Variants in SLC44A1 observed in about 807,000 individuals in gnomAD.
SLC44A1 encodes solute carrier family 44 member 1, also known as choline transporter-like protein 1.
A neutral mutation model predicts 79.3 loss-of-function variants in SLC44A1; 26 were observed. That is an observed-to-expected ratio of 0.33 (90% confidence interval 0.24 to 0.46). The LOEUF (loss-of-function observed/expected upper bound fraction) is 0.46, where lower values mean the gene tolerates loss of function less well. Among genes scored for constraint, SLC44A1 ranks in the 20% least tolerant of loss-of-function variants. SLC44A1 has a pLI of 1.00. For synonymous variants in SLC44A1, 263 were observed against 286.2 expected, an observed-to-expected ratio of 0.92 and a Z score of 0.82; for missense variants, 688 against 798.1, an observed-to-expected ratio of 0.86 and a Z score of 1.66.
intron 12 of SLC44A1, among the ~76,000 whole-genome samples, chr9:105,369,912 G>A (rs1251814084): frequency 6.6e-6 from 1 of 152,206 alleles, no homozygotes; most frequent in African/African-American, 2.4e-5. Context: ...GTACAACCAG[G>A]GATTGCGTAG....
At chr9:105,355,068 A>T (rs1297182870) in intron 5 of SLC44A1, among the ~76,000 whole-genome samples, 1 of 152,258 alleles carries the variant, frequency 6.6e-6, no homozygotes, top group East Asian at 1.9e-4. Context: ...ATTTAAAAAA[A>T]GTTGTAAGAA....
rs1215830738 is a variant in SLC44A1, at chr9:105,394,378, T to G, written c.*5322T>G. 6.1e-6 allele frequency: 6 copies of G among 984,884 alleles called. No individual in the cohort carries two copies. The highest frequency in any genetic ancestry group is 6.2e-5 in the Admixed American group (1 of 16,194). 61.0% of individuals were successfully genotyped at this position (984,884 alleles called of 1,614,324 possible). A position where few individuals can be genotyped will look rare whatever the true frequency, so the allele number is the denominator to read the frequency against. On this transcript the variant is annotated 3_prime_UTR_variant, in exon 16 of 16. Coordinates refer to ENST00000374720, the MANE Select transcript of SLC44A1 (RefSeq NM_080546.5). ...CAAGATGATCAACACTGAATCTTCA[T>G]GACAGTAAGATTTTCTTTCCTTGGA...
chr9:105,391,624 AT>A lies in SLC44A1; in HGVS notation c.*2571del. 3 of 985,354 alleles carry A rather than the reference AT, an allele frequency of 3.0e-6. No homozygotes were observed. The highest frequency in any genetic ancestry group is 3.6e-6 in the Non-Finnish European group (3 of 829,896). 61.0% of individuals were successfully genotyped at this position (985,354 alleles called of 1,614,324 possible). A position where few individuals can be genotyped will look rare whatever the true frequency, so the allele number is the denominator to read the frequency against. Reference sequence around the variant, plus strand: ...AGCCTCACAGAGGATTTTAAGCAATATTTAAATGTGTTGAGGTTATGTTTGG... The same window carrying A: ...AGCCTCACAGAGGATTTTAAGCAATATTAAATGTGTTGAGGTTATGTTTGG... On this transcript the variant is annotated 3_prime_UTR_variant, in exon 16 of 16. Transcript: ENST00000374720.
chr9:105,379,509 G>A (rs533707872), intron 13 of SLC44A1, among the ~76,000 whole-genome samples: 3 of 152,146 alleles, frequency 2.0e-5, no homozygotes, highest in Admixed American at 6.5e-5. Flanking sequence ...ACGTGGAACC[G>A]TTCTACTATT....
Position 105,397,205 on chromosome 9 carries a change from G to A in SLC44A1, c.*8149G>A, listed in dbSNP as rs1201181854. 4.1e-6 allele frequency: 4 copies of A among 985,164 alleles called. No individual in the cohort carries two copies. The highest frequency in any genetic ancestry group is 3.5e-5 in the African/African-American group (2 of 57,198). The allele number at this position is 985,164 out of a possible 1,614,324, so 61.0% of individuals were successfully genotyped here. A position where few individuals can be genotyped will look rare whatever the true frequency, so the allele number is the denominator to read the frequency against. ...AAATGTTTTTCTTGTGCAGAAATAC[G>A]AACTAGAAAGAAAAGTGCTGATCTA... On this transcript the variant is annotated 3_prime_UTR_variant, in exon 16 of 16. Coordinates refer to ENST00000374720, the MANE Select transcript of SLC44A1 (RefSeq NM_080546.5).
chr9:105,252,511 C>T (rs1370701571), intron 1 of SLC44A1, among the ~76,000 whole-genome samples: 1 of 152,132 alleles, frequency 6.6e-6, no homozygotes, highest in African/African-American at 2.4e-5. Flanking sequence ...TCTTAAGCAG[C>T]TTGTCTGTTG....
chr9:105,421,493 G>A (rs1346221289), intron 15 of SLC44A1, among the ~76,000 whole-genome samples: 1 of 152,002 alleles, frequency 6.6e-6, no homozygotes, highest in Non-Finnish European at 1.5e-5. Context: ...CTGGATTACA[G>A]GAGTTTATAT....
In SLC44A1 at chr9:105,289,737, C is replaced by T. The variant is rs573732131; in HGVS notation, c.37-9483C>T. Among the ~76,000 whole-genome samples the T allele has an allele frequency of 2.4e-3, 362 of 151,896 alleles. 1 individual carries two copies. The highest frequency in any genetic ancestry group is 8.2e-3 in the African/African-American group (339 of 41,426). ...TTACCAAATTCTGCCCACCTATTTG[C>T]TATATTATGATCAGTGCAATCTTTA... On this transcript the variant is annotated intron_variant, in intron 1 of 15. Coordinates refer to ENST00000374720, the MANE Select transcript of SLC44A1 (RefSeq NM_080546.5).
In SLC44A1 at chr9:105,364,704, A is replaced by G; in HGVS notation, c.1237A>G (p.Thr413Ala). 6.2e-7 allele frequency: 1 copy of G among 1,613,294 alleles called. No individual in the cohort carries two copies. The highest frequency in any genetic ancestry group is 1.1e-5 in the South Asian group (1 of 90,866). The change falls in exon 10 of 16, where the codon ACA becomes GCA. Residue 413 changes from threonine to alanine, a missense_variant. Physicochemically the swap from Thr to Ala is moderately conservative, Grantham distance 58. Transcript: ENST00000374720. ...QQMTVAGAVV[T>A]YYFTRDKRNL... is the part of the protein sequence containing the mutation. The stretch of plus-strand genomic sequence containing the variant: ...GATGACAGTGGCAGGAGCTGTGGTA[A>G]CATACTATTTTACTAGGTAAGAATA...
intron 4 of SLC44A1, among the ~76,000 whole-genome samples, chr9:105,336,299 CT>C (rs1162748789): frequency 6.6e-6 from 1 of 152,020 alleles, no homozygotes; most frequent in African/African-American, 2.4e-5. Context: ...TTGTGTTCTG[CT>C]TTTTAAATTT....
intron 5 of SLC44A1, among the ~76,000 whole-genome samples, chr9:105,354,605 G>A (rs1454317506): frequency 2.0e-5 from 3 of 152,036 alleles, no homozygotes; most frequent in African/African-American, 7.2e-5. Context: ...GATGCAAGAG[G>A]CAATTTTAAA....
chr9:105,291,403 G>A (rs1054647102), intron 1 of SLC44A1, among the ~76,000 whole-genome samples: 4 of 152,138 alleles, frequency 2.6e-5, no homozygotes, highest in Non-Finnish European at 5.9e-5. Context: ...TCTACGCAGC[G>A]GTGACCTTGG....
At chr9:105,311,023 A>G (rs1243345443) in intron 3 of SLC44A1, among the ~76,000 whole-genome samples, 1 of 152,228 alleles carries the variant, frequency 6.6e-6, no homozygotes, top group African/African-American at 2.4e-5. Flanking sequence ...TATCCAGCCC[A>G]GAAGATGAGT....
intron 15 of SLC44A1, among the ~76,000 whole-genome samples, chr9:105,402,687 A>ACCT (rs767205116): frequency 5.9e-3 from 51 of 8,664 alleles, no homozygotes; most frequent in South Asian, 0.021. Flanking sequence ...TTGTAGACAA[A>ACCT]CCTCTCAATG....
At chr9:105,270,968 T>A (rs190476552) in intron 1 of SLC44A1, among the ~76,000 whole-genome samples, 7 of 152,376 alleles carry the variant, frequency 4.6e-5, no homozygotes, top group Admixed American at 4.6e-4. Context: ...AGGTTCCCTC[T>A]TCTAGGGTTA....
chr9:105,435,832 A>G (rs965342615), intron 15 of SLC44A1, among the ~76,000 whole-genome samples: 1 of 152,250 alleles, frequency 6.6e-6, no homozygotes, highest in Non-Finnish European at 1.5e-5. Context: ...AGGGGAAACT[A>G]GGCATGAGGT....
intron 3 of SLC44A1, among the ~76,000 whole-genome samples, chr9:105,333,130 G>A (rs138699084): frequency 6.6e-5 from 10 of 152,298 alleles, no homozygotes; most frequent in African/African-American, 2.4e-4. Context: ...ATATAATAGG[G>A]ATACTTTTGC....
chr9:105,321,882 A>G (rs1826404529), intron 3 of SLC44A1, among the ~76,000 whole-genome samples: 1 of 152,262 alleles, frequency 6.6e-6, no homozygotes, highest in South Asian at 2.1e-4. Flanking sequence ...AAAGATGACA[A>G]TACTAACAAA....
intron 2 of SLC44A1, among the ~76,000 whole-genome samples, chr9:105,302,663 G>A (rs1179864481): frequency 2.0e-5 from 3 of 149,578 alleles, no homozygotes; most frequent in South Asian, 4.2e-4. Flanking sequence ...AGAATTAGCT[G>A]GGATCTTTTC....
Sources: allele counts gnomAD v4.1 joint callset (sites outside exome capture counted in the v4.1 genomes callset), GRCh38; gene constraint gnomAD v4.1.1; transcripts MANE v1.5; gene names NCBI Gene and HGNC (gene_info 2026-07-23, HGNC 2026-07-21).